Variants in MCPH1 observed in about 807,000 individuals in gnomAD.
The protein encoded by MCPH1 is microcephalin 1.
MCPH1 carries 104 observed loss-of-function variants against 84.5 expected under a neutral mutation model. That is an observed-to-expected ratio of 1.23 (90% confidence interval 1.05 to 1.45). MCPH1 has a LOEUF of 1.45. Ranked by LOEUF, MCPH1 falls within the 40% of genes most tolerant of loss-of-function variation. The pLI is 0.00. For synonymous variants in MCPH1, 514 were observed against 366.8 expected, an observed-to-expected ratio of 1.40 and a Z score of -4.58; for missense variants, 1,498 against 1,005.7, an observed-to-expected ratio of 1.49 and a Z score of -6.62.
rs1365349504 is a variant in MCPH1 at position 6,431,700 on chromosome 8, C to T, written c.321+114C>T. 7 of 697,122 alleles carry T rather than the reference C, an allele frequency of 1.0e-5. No individual in the cohort carries two copies. In the Middle Eastern group the frequency reaches 1.2e-3, roughly 119 times the overall value. The allele number at this position is 697,122 out of a possible 1,614,324, so 43.2% of individuals were successfully genotyped here. A position where few individuals can be genotyped will look rare whatever the true frequency, so the allele number is the denominator to read the frequency against. On this transcript the variant is annotated intron_variant, in intron 4 of 13. Coordinates refer to ENST00000344683, the MANE Select transcript of MCPH1 (RefSeq NM_024596.5). Reference sequence around the variant, plus strand: ...ATATTCAAGAGTTGTCTTAAATATGCTATTGATGATATTGTTCTTTTCACA... The same window carrying T: ...ATATTCAAGAGTTGTCTTAAATATGTTATTGATGATATTGTTCTTTTCACA...
At chr8:6,538,754 T>C (rs553881200) in intron 12 of MCPH1, among the ~76,000 whole-genome samples, 2 of 152,262 alleles carry the variant, frequency 1.3e-5, no homozygotes, top group Non-Finnish European at 2.9e-5. Flanking sequence ...AATAGGTTAA[T>C]GTTCTTGCTT....
At position 6,621,889 on chromosome 8, in the gene MCPH1, T is replaced by C. The variant is rs139212477; in HGVS notation, c.2452+198T>C. On this transcript the variant is annotated intron_variant, in intron 13 of 13. Coordinates refer to ENST00000344683, the MANE Select transcript of MCPH1 (RefSeq NM_024596.5). ...CTCCTTGCTGTTAGCAGACGTACAG[T>C]TCACGAGGAAATGGGAACTCTAACT... 4.6e-5 allele frequency among the ~76,000 whole-genome samples: 7 copies of C among 152,340 alleles called. No homozygotes were observed. In the East Asian group the frequency reaches 1.4e-3, roughly 29 times the overall value.
At chr8:6,618,462 G>C (rs933171068) in intron 12 of MCPH1, 3 of 152,162 alleles carry the variant, frequency 2.0e-5, no homozygotes, top group Non-Finnish European at 4.4e-5. Context: ...TTACAAAAAG[G>C]TTTATTTACT....
chr8:6,418,845 A>T (rs931005471), intron 3 of MCPH1, among the ~76,000 whole-genome samples: 3 of 151,934 alleles, frequency 2.0e-5, no homozygotes, highest in South Asian at 4.1e-4. Context: ...CTCCCAAAGT[A>T]CTGGGATTGT....
chr8:6,532,454 C>A (rs774660071), intron 12 of MCPH1: 1 of 1,613,366 alleles, frequency 6.2e-7, no homozygotes, highest in Admixed American at 1.7e-5. Flanking sequence ...TCTACCATTT[C>A]TTTCTTCATG....
At chr8:6,457,795 C>T (rs1481378982) in intron 9 of MCPH1, among the ~76,000 whole-genome samples, 1 of 152,120 alleles carries the variant, frequency 6.6e-6, no homozygotes, top group Non-Finnish European at 1.5e-5. Flanking sequence ...CCCTCTTTCG[C>T]AGGATTTTCT....
chr8:6,641,624 G>C (rs1284287704), intron 13 of MCPH1, among the ~76,000 whole-genome samples: 1 of 152,142 alleles, frequency 6.6e-6, no homozygotes, highest in African/African-American at 2.4e-5. Flanking sequence ...CATACCTGTA[G>C]TCCCGGCTAC....
Position 6,486,262 on chromosome 8 carries a change from A to ATCTC in MCPH1, c.2136+5416_2136+5419dup, listed in dbSNP as rs56247663. On this transcript the variant is annotated intron_variant, in intron 11 of 13. Transcript: ENST00000344683. ...TATACATTGACTTTGTGTACAAGGA[A>ATCTC]TCTCTCTCTCTCTCTCTCTCTCTCT... Among the ~76,000 whole-genome samples, 1,172 of 147,170 alleles carry ATCTC rather than the reference A, an allele frequency of 8.0e-3. 8 individuals are homozygous for ATCTC. Among genetic ancestry groups the ATCTC allele is most frequent in the African/African-American group, 0.021 (851 of 39,930 alleles).
chr8:6,605,683 C>G (rs1829710483), intron 12 of MCPH1, among the ~76,000 whole-genome samples: 2 of 149,256 alleles, frequency 1.3e-5, no homozygotes, highest in Admixed American at 1.3e-4. Context: ...TTCTGTGAAT[C>G]ACAGACATTA....
intron 11 of MCPH1, among the ~76,000 whole-genome samples, chr8:6,488,200 G>C (rs558020297): frequency 3.3e-5 from 5 of 152,184 alleles, no homozygotes; most frequent in Admixed American, 2.0e-4. Flanking sequence ...CAGGCGCTGC[G>C]GTCTAGGTCC....
At chr8:6,626,184 C>G in intron 13 of MCPH1, 1 of 985,366 alleles carries the variant, frequency 1.0e-6, no homozygotes, top group Non-Finnish European at 1.2e-6. Context: ...AGCTCGCCCG[C>G]CACCCCAGCT....
At chr8:6,508,871 C>G in intron 12 of MCPH1, 1 of 1,611,424 alleles carries the variant, frequency 6.2e-7, no homozygotes, top group Non-Finnish European at 8.5e-7. Context: ...AATTGCCAGC[C>G]TTTCCCTCTA....
intron 12 of MCPH1, among the ~76,000 whole-genome samples, chr8:6,595,404 G>A (rs928014029): frequency 5.3e-5 from 8 of 152,220 alleles, no homozygotes; most frequent in African/African-American, 1.9e-4. Flanking sequence ...GAAGGTGAAT[G>A]AGTTAAAAGA....
chr8:6,511,899 CTTT>C (rs34089402), intron 12 of MCPH1, among the ~76,000 whole-genome samples: 2 of 141,936 alleles, frequency 1.4e-5, no homozygotes, highest in Non-Finnish European at 3.1e-5. Flanking sequence ...TTTTGTGCTT[CTTT>C]TTTTTTTTTT....
At chr8:6,427,272 G>A (rs906535245) in intron 3 of MCPH1, among the ~76,000 whole-genome samples, 2 of 152,190 alleles carry the variant, frequency 1.3e-5, no homozygotes, top group Non-Finnish European at 2.9e-5. Context: ...CGAATGTGAA[G>A]GCCTAGGACA....
intron 9 of MCPH1, among the ~76,000 whole-genome samples, chr8:6,474,706 A>G (rs962341607): frequency 2.0e-5 from 3 of 152,188 alleles, no homozygotes; most frequent in African/African-American, 7.2e-5. Flanking sequence ...TAGAATAGCA[A>G]TGTATAGTGT....
chr8:6,462,046 G>A lies in MCPH1; in HGVS notation c.1935+6794G>A, dbSNP rs561333561. Reference sequence around the variant, plus strand: ...GGAGCCATCTCTGCCAATCCAGCTTGTTGCATGTGAAGGCAAGCTGTGGGT... The same window carrying A: ...GGAGCCATCTCTGCCAATCCAGCTTATTGCATGTGAAGGCAAGCTGTGGGT... On this transcript the variant is annotated intron_variant, in intron 9 of 13. Coordinates refer to ENST00000344683, the MANE Select transcript of MCPH1 (RefSeq NM_024596.5). Among the ~76,000 whole-genome samples, 3 of 152,328 alleles carry A rather than the reference G, an allele frequency of 2.0e-5. No homozygotes were observed. In the East Asian group the frequency reaches 5.8e-4, roughly 29 times the overall value.
chr8:6,466,381 C>T (rs1438597119), intron 9 of MCPH1, among the ~76,000 whole-genome samples: 1 of 151,364 alleles, frequency 6.6e-6, no homozygotes, highest in African/African-American at 2.4e-5. Context: ...CATCTCGGCT[C>T]ACTGCAACCT....
At chr8:6,592,623 G>GTTTTTTTTTTT (rs573651366) in intron 12 of MCPH1, among the ~76,000 whole-genome samples, 11 of 77,578 alleles carry the variant, frequency 1.4e-4, no homozygotes, top group African/African-American at 2.1e-4. Flanking sequence ...TCTTTTTTTT[G>GTTTTTTTTTTT]TTTTTTTTTT....
Sources: gnomAD v4.1 joint callset for allele counts (sites outside exome capture counted in the v4.1 genomes callset) on GRCh38, gnomAD v4.1.1 for gene constraint, MANE v1.5 for transcripts, NCBI Gene and HGNC (gene_info 2026-07-23, HGNC 2026-07-21) for gene names.